UPP1: variants seen among roughly 807,000 people sequenced by gnomAD.
UPP1 encodes UPase 1.
A neutral mutation model predicts 29.6 loss-of-function variants in UPP1; 25 were observed. That is an observed-to-expected ratio of 0.85 (90% confidence interval 0.62 to 1.18). UPP1 has a LOEUF of 1.18. Ranked by LOEUF, UPP1 falls within the 50% of genes most tolerant of loss-of-function variation. The pLI, the probability that UPP1 is intolerant of heterozygous loss-of-function variation, is 0.00. For synonymous variants in UPP1, 165 were observed against 159.8 expected, an observed-to-expected ratio of 1.03 and a Z score of -0.25; for missense variants, 368 against 410.4, an observed-to-expected ratio of 0.90 and a Z score of 0.89.
chr7:48,097,011 C>T (rs1236533048), intron 3 of UPP1, among the ~76,000 whole-genome samples: 1 of 152,040 alleles, frequency 6.6e-6, no homozygotes, highest in Non-Finnish European at 1.5e-5. Flanking sequence ...GTTTTCATTT[C>T]ATTTCATATA....
At chr7:48,103,994 C>T (rs1399760221) in intron 6 of UPP1, 21 of 993,370 alleles carry the variant, frequency 2.1e-5, no homozygotes, top group Middle Eastern at 4.2e-4. Context: ...CCGAGGCGGG[C>T]GGATCACAAG....
intron 3 of UPP1, among the ~76,000 whole-genome samples, chr7:48,095,926 C>T (rs1025878858): frequency 6.6e-6 from 1 of 152,166 alleles, no homozygotes; most frequent in Admixed American, 6.5e-5. Flanking sequence ...GGATTACGGG[C>T]GTGAGCCACT....
At chr7:48,089,891 G>A (rs1329521942) in intron 1 of UPP1, among the ~76,000 whole-genome samples, 2 of 152,216 alleles carry the variant, frequency 1.3e-5, no homozygotes, top group Non-Finnish European at 2.9e-5. Context: ...TAAGAGGAAG[G>A]AGATGGTGAC....
chr7:48,099,988 T>G (rs1792335273), intron 4 of UPP1, among the ~76,000 whole-genome samples: 1 of 152,260 alleles, frequency 6.6e-6, no homozygotes, highest in Non-Finnish European at 1.5e-5. Flanking sequence ...AGTGCCAAAT[T>G]GTTCCCTAAT....
chr7:48,103,488 G>A (rs1792549519), intron 6 of UPP1, 77 bp downstream of exon 6: 2 of 1,276,630 alleles, frequency 1.6e-6, no homozygotes, highest in South Asian at 1.2e-5. Context: ...TCTACATGGT[G>A]TGGCATTAGA....
At chr7:48,099,385 T>A (rs980848361) in intron 3 of UPP1, among the ~76,000 whole-genome samples, 6 of 152,224 alleles carry the variant, frequency 3.9e-5, no homozygotes, top group Non-Finnish European at 7.3e-5. Flanking sequence ...TATGGGTAGA[T>A]CAAACATTTC....
At chr7:48,097,991 T>C (rs73337883) in intron 3 of UPP1, among the ~76,000 whole-genome samples, 8,174 of 152,090 alleles carry the variant, frequency 0.054, 755 homozygotes, top group African/African-American at 0.19. Flanking sequence ...CAGGAAGAGG[T>C]GGGCTTAGGG....
At chr7:48,097,435 T>C (rs1304560326) in intron 3 of UPP1, among the ~76,000 whole-genome samples, 1 of 152,048 alleles carries the variant, frequency 6.6e-6, no homozygotes, top group Middle Eastern at 3.2e-3. Flanking sequence ...GGTTTCACCA[T>C]GTTGCCCTGG....
intron 3 of UPP1, 146 bp downstream of exon 3, chr7:48,094,973 G>A: frequency 2.0e-6 from 2 of 1,015,912 alleles, no homozygotes; most frequent in African/African-American, 1.6e-5. Context: ...AGGGATTAAT[G>A]ACTCAGGAGG....
chr7:48,107,440 C>G lies in UPP1; in HGVS notation c.726C>G (p.Ala242=), dbSNP rs756236200. 1 of 1,614,178 alleles carries G rather than the reference C, an allele frequency of 6.2e-7. No individual in the cohort carries two copies. Among genetic ancestry groups the G allele is most frequent in the East Asian group, 2.2e-5 (1 of 44,870 alleles). Residue 242 remains alanine, a synonymous_variant, in exon 8 of 9, where the codon GCC becomes GCG. Transcript: ENST00000395564. ...KQAYLEAAYA[A]GVRNIEMESS... The stretch of plus-strand genomic sequence containing the variant: ...CGTATCTGGAGGCAGCCTATGCAGC[C>G]GGCGTCCGCAATATCGAGATGGAGT...
intron 4 of UPP1, 118 bp from the exon 5 acceptor site, chr7:48,101,706 T>C: frequency 8.2e-7 from 1 of 1,212,812 alleles, no homozygotes; most frequent in South Asian, 1.5e-5. Flanking sequence ...GTGAGGCCAG[T>C]GAACTTATAT....
chr7:48,108,070 T>A, intron 8 of UPP1, 148 bp from the exon 9 acceptor site: 1 of 1,200,540 alleles, frequency 8.3e-7, no homozygotes, highest in Non-Finnish European at 1.2e-6. Flanking sequence ...CCGCACTCCA[T>A]CCTCCGGCCC....
At chr7:48,091,066 A>G (rs73694332) in intron 2 of UPP1, among the ~76,000 whole-genome samples, 4,101 of 152,330 alleles carry the variant, frequency 0.027, 116 homozygotes, top group African/African-American at 0.075. Flanking sequence ...AATCAAATAT[A>G]TAACAGAAAA....
intron 1 of UPP1, 147 bp from the exon 2 acceptor site, chr7:48,090,041 T>A (rs1404315557): frequency 6.6e-6 from 1 of 152,208 alleles, no homozygotes; most frequent in African/African-American, 2.4e-5. Context: ...TTTAACAAAA[T>A]GTTACCGCAT....
chr7:48,101,739 A>G, intron 4 of UPP1, 85 bp from the exon 5 acceptor site: 2 of 1,427,366 alleles, frequency 1.4e-6, no homozygotes, highest in South Asian at 1.3e-5. Context: ...CATTGGTAAT[A>G]CTGATGTTGC....
chr7:48,107,963 C>T (rs893943665), intron 8 of UPP1, among the ~76,000 whole-genome samples: 2 of 152,150 alleles, frequency 1.3e-5, no homozygotes, highest in Admixed American at 1.3e-4. Flanking sequence ...ATGGTGAATT[C>T]CTTTTGGAAG....
At chr7:48,103,667 G>T in intron 6 of UPP1, 1 of 1,062,810 alleles carries the variant, frequency 9.4e-7, no homozygotes, top group Non-Finnish European at 1.3e-6. Flanking sequence ...ATCCTTTTGG[G>T]GTTACACAAT....
At chr7:48,098,135 C>T (rs1214928073) in intron 3 of UPP1, among the ~76,000 whole-genome samples, 1 of 152,200 alleles carries the variant, frequency 6.6e-6, no homozygotes, top group African/African-American at 2.4e-5. Context: ...CCCCTGTCCC[C>T]TTATACAAAG....
chr7:48,103,203 C>A, intron 5 of UPP1, 94 bp from the exon 6 acceptor site: 1 of 865,684 alleles, frequency 1.2e-6, no homozygotes, highest in South Asian at 1.4e-5. Context: ...TGTCAATGGG[C>A]ATGTTAGATT....
Sources: allele counts gnomAD v4.1 joint callset (sites outside exome capture counted in the v4.1 genomes callset), GRCh38; gene constraint gnomAD v4.1.1; transcripts MANE v1.5; gene names NCBI Gene and HGNC (gene_info 2026-07-23, HGNC 2026-07-21).